CCDC68: variants seen among roughly 807,000 people sequenced by gnomAD.
The protein encoded by CCDC68 is coiled-coil domain-containing protein 68.
Under a neutral mutation model 47.1 loss-of-function variants are expected in CCDC68, and 45 were observed. That is an observed-to-expected ratio of 0.96 (90% CI 0.75 to 1.23). The LOEUF (loss-of-function observed/expected upper bound fraction) is 1.23. Among genes scored for constraint, CCDC68 ranks in the 50% most tolerant of loss-of-function variants. The probability of loss-of-function intolerance (pLI) is 0.00; values close to 1 mark genes in which losing one functional copy is unlikely to be tolerated. For missense variants in CCDC68, 353 were observed against 373.6 expected, an observed-to-expected ratio of 0.94 and a Z score of 0.45; for synonymous variants, 131 against 129.5, an observed-to-expected ratio of 1.01 and a Z score of -0.08.
At chr18:54,947,044 CT>C (rs1285057919) in intron 1 of CCDC68, among the ~76,000 whole-genome samples, 1 of 152,122 alleles carries the variant, frequency 6.6e-6, no homozygotes, top group African/African-American at 2.4e-5. Flanking sequence ...ACCCAGAGTC[CT>C]TGGTTGGTAT....
intron 3 of CCDC68, among the ~76,000 whole-genome samples, chr18:54,941,778 C>A (rs991879007): frequency 1.3e-5 from 2 of 152,108 alleles, no homozygotes; most frequent in Admixed American, 1.3e-4. Context: ...TTATACTCTA[C>A]AACATTATTT....
At chr18:54,957,995 T>C (rs763312658) in intron 1 of CCDC68, 4 of 152,190 alleles carry the variant, frequency 2.6e-5, no homozygotes, top group Non-Finnish European at 5.9e-5. Context: ...GAGCATACTG[T>C]AAACAAATAA....
chr18:54,933,522 T>G (rs1244828845), intron 7 of CCDC68, among the ~76,000 whole-genome samples: 1 of 152,248 alleles, frequency 6.6e-6, no homozygotes, highest in African/African-American at 2.4e-5. Flanking sequence ...TTTATTCGTT[T>G]CCCAGAATTG....
chr18:54,932,918 G>T (rs951775909), intron 7 of CCDC68, among the ~76,000 whole-genome samples: 1 of 152,134 alleles, frequency 6.6e-6, no homozygotes, highest in Non-Finnish European at 1.5e-5. Context: ...GAGACTGTCT[G>T]GTTCATTCAC....
chr18:54,910,188 G>C (rs1441370400), intron 10 of CCDC68, among the ~76,000 whole-genome samples: 1 of 152,176 alleles, frequency 6.6e-6, no homozygotes, highest in African/African-American at 2.4e-5. Context: ...TGCTAGGCAA[G>C]TGATCCCAAC....
At chr18:54,947,333 G>C (rs1185053170) in intron 1 of CCDC68, among the ~76,000 whole-genome samples, 1 of 152,214 alleles carries the variant, frequency 6.6e-6, no homozygotes, top group Non-Finnish European at 1.5e-5. Flanking sequence ...AGGAGGCAGA[G>C]GGCTGCTGAA....
At chr18:54,919,467 A>G in intron 8 of CCDC68, 91 bp from the exon 9 acceptor site, 1 of 1,015,796 alleles carries the variant, frequency 9.8e-7, no homozygotes. Flanking sequence ...TACACACTCT[A>G]CTGCTACTGG....
intron 4 of CCDC68, among the ~76,000 whole-genome samples, chr18:54,939,595 C>A (rs2044403587): frequency 6.6e-6 from 1 of 152,022 alleles, no homozygotes; most frequent in Admixed American, 6.6e-5. Flanking sequence ...TGCTGACCTT[C>A]TGTGGTTTGA....
chr18:54,921,480 C>G (rs191539356), intron 8 of CCDC68, among the ~76,000 whole-genome samples: 19 of 152,238 alleles, frequency 1.2e-4, no homozygotes, highest in African/African-American at 4.3e-4. Flanking sequence ...TAGAAAGAGA[C>G]AGGAGGGGAA....
intron 5 of CCDC68, 28 bp downstream of exon 5, chr18:54,937,929 C>G: frequency 6.3e-7 from 1 of 1,596,704 alleles, no homozygotes; most frequent in Non-Finnish European, 8.5e-7. Context: ...GCTCAAAACA[C>G]AAAATTTGAA....
At chr18:54,905,843 A>T (rs902295160) in intron 11 of CCDC68, among the ~76,000 whole-genome samples, 1 of 152,170 alleles carries the variant, frequency 6.6e-6, no homozygotes, top group African/African-American at 2.4e-5. Context: ...CCCATCGCTC[A>T]CATTACCTCC....
intron 1 of CCDC68, among the ~76,000 whole-genome samples, chr18:54,949,704 G>C (rs2044582402): frequency 6.6e-6 from 1 of 152,198 alleles, no homozygotes; most frequent in Admixed American, 6.5e-5. Context: ...TATGAGTCTT[G>C]CAGGAAAGGT....
At chr18:54,928,712 A>C in intron 8 of CCDC68, 88 bp downstream of exon 8, 1 of 792,448 alleles carries the variant, frequency 1.3e-6, no homozygotes, top group Non-Finnish European at 2.2e-6. Context: ...TCTTTGGGGG[A>C]CAGAAGGTCT....
intron 7 of CCDC68, 105 bp downstream of exon 7, chr18:54,934,715 T>G: frequency 2.4e-6 from 2 of 834,108 alleles, no homozygotes; most frequent in East Asian, 6.8e-5. Flanking sequence ...TTTCACATAA[T>G]ATTATCTTAT....
intron 4 of CCDC68, among the ~76,000 whole-genome samples, chr18:54,939,712 T>C (rs9960839): frequency 0.38 from 58,273 of 151,590 alleles, 11,348 homozygotes; most frequent in East Asian, 0.59. Flanking sequence ...CCATGGACAT[T>C]ATTTGACAGA....
chr18:54,918,936 C>A (rs1373161320), intron 9 of CCDC68, among the ~76,000 whole-genome samples: 5 of 152,172 alleles, frequency 3.3e-5, no homozygotes, highest in African/African-American at 1.2e-4. Context: ...CAGATCATTT[C>A]ATACTCAAGG....
chr18:54,956,973 G>A (rs2044722140), intron 1 of CCDC68, among the ~76,000 whole-genome samples: 1 of 152,022 alleles, frequency 6.6e-6, no homozygotes, highest in Admixed American at 6.5e-5. Flanking sequence ...GAATAAAGAT[G>A]CTGTTTTCCT....
intron 1 of CCDC68, among the ~76,000 whole-genome samples, chr18:54,947,167 G>A (rs1454604217): frequency 6.6e-6 from 1 of 152,210 alleles, no homozygotes; most frequent in Non-Finnish European, 1.5e-5. Flanking sequence ...AGATTAAGGG[G>A]ATAAAATTTT....
chr18:54,910,705 G>C (rs370491520), intron 10 of CCDC68, among the ~76,000 whole-genome samples: 2 of 152,304 alleles, frequency 1.3e-5, no homozygotes, highest in South Asian at 2.1e-4. Flanking sequence ...GCACCCCCTT[G>C]GCTTCCCTCT....
Sources: allele counts gnomAD v4.1 joint callset (sites outside exome capture counted in the v4.1 genomes callset), GRCh38; gene constraint gnomAD v4.1.1; transcripts MANE v1.5; gene names NCBI Gene and HGNC (gene_info 2026-07-23, HGNC 2026-07-21).